HADHB: variants seen among roughly 807,000 people sequenced by gnomAD.
HADHB encodes hydroxyacyl-CoA dehydrogenase trifunctional multienzyme complex subunit beta, also known as trifunctional enzyme subunit beta, mitochondrial.
In HADHB, 50 loss-of-function variants were observed where a neutral mutation model predicts 61.9. The ratio of observed to expected loss-of-function variants is 0.81; its 90% CI spans 0.64 to 1.02. The LOEUF is 1.02. HADHB is among the 50% of genes least tolerant of loss of function. HADHB has a pLI of 0.00. For missense variants in HADHB, 504 were observed against 586.5 expected (o/e 0.86, Z 1.45); for synonymous variants, 191 against 201.6 (o/e 0.95, Z 0.45).
chr2:26,275,653 T>G (rs1672509836), intron 6 of HADHB, among the ~76,000 whole-genome samples: 5 of 152,154 alleles, frequency 3.3e-5, no homozygotes, highest in Admixed American at 2.0e-4. Flanking sequence ...TCCTTTCGGA[T>G]TGGTTTACGT....
chr2:26,282,881 GA>G lies in HADHB; in HGVS notation c.974del (p.Lys325ArgfsTer13). On this transcript the variant is annotated frameshift_variant, in exon 11 of 16. Coordinates refer to ENST00000317799, the MANE Select transcript of HADHB (RefSeq NM_000183.3). LOFTEE classifies it high-confidence loss of function. Reference protein sequence around the residue: ...GASAMLIMAEEKALAMGYKPK... With the variant: ...GASAMLIMAEXKALAMGYKPK... ...ATCTGCAATGTTAATCATGGCGGAG[GA>G]AAAGGCTCTGGCCATGGGTTATAAG... 1.9e-6 allele frequency: 3 copies of G among 1,613,330 alleles called. No individual in the cohort carries two copies. Among genetic ancestry groups the G allele is most frequent in the Non-Finnish European group, 2.5e-6 (3 of 1,179,396 alleles).
At chr2:26,249,429 T>C (rs1367595805) in intron 1 of HADHB, among the ~76,000 whole-genome samples, 1 of 151,984 alleles carries the variant, frequency 6.6e-6, no homozygotes, top group Non-Finnish European at 1.5e-5. Flanking sequence ...GAGAATTGCT[T>C]GAACCCAGGA....
chr2:26,271,050 TTTTTTC>T (rs990368075), intron 5 of HADHB, among the ~76,000 whole-genome samples: 2 of 142,416 alleles, frequency 1.4e-5, no homozygotes, highest in Non-Finnish European at 3.1e-5. Flanking sequence ...GGCTAATTTT[TTTTTTC>T]TTTTTTTTTT....
chr2:26,267,527 A>T lies in HADHB; in HGVS notation c.210-2426A>T, dbSNP rs72851505. On this transcript the variant is annotated intron_variant, in intron 4 of 15. Coordinates refer to ENST00000317799, the MANE Select transcript of HADHB (RefSeq NM_000183.3). ...TAAATAAGTGAATAAATAAATACACATTGGGAGGCCAAGGTGAATGGATCG... is the reference window on the plus strand; with the variant it reads ...TAAATAAGTGAATAAATAAATACACTTTGGGAGGCCAAGGTGAATGGATCG... Among the ~76,000 whole-genome samples, 952 of 152,262 alleles carry T rather than the reference A, an allele frequency of 6.3e-3. 8 individuals are homozygous for T. Among genetic ancestry groups the T allele is most frequent in the African/African-American group, 0.021 (890 of 41,562 alleles).
Position 26,284,958 on chromosome 2 carries a change from GTGAGTTTCTAATTTTAAAAAA to G in HADHB, c.1224+4_1224+24del. The G allele has an allele frequency of 6.6e-7, 1 of 1,504,068 alleles. No homozygotes were observed. The highest frequency in any genetic ancestry group is 9.3e-7 in the Non-Finnish European group (1 of 1,079,746). The allele number at this position is 1,504,068 out of a possible 1,614,324, so 93.2% of individuals were successfully genotyped here. On this transcript the variant is annotated splice_donor_variant and splice_donor_5th_base_variant and intron_variant, in intron 14 of 15. Transcript: ENST00000317799. LOFTEE classifies it high-confidence loss of function. ...AAACTACATGGGTAGAAAAACCAAG[GTGAGTTTCTAATTTTAAAAAA>G]TGCGTGAATTTTCAAAGCACGTTAA...
chr2:26,270,688 A>G (rs995055490), intron 5 of HADHB, among the ~76,000 whole-genome samples: 1 of 152,122 alleles, frequency 6.6e-6, no homozygotes, highest in African/African-American at 2.4e-5. Flanking sequence ...TACAGAAACC[A>G]TACTTTAGAA....
intron 15 of HADHB, among the ~76,000 whole-genome samples, chr2:26,286,338 G>A (rs1270592989): frequency 6.6e-6 from 1 of 152,014 alleles, no homozygotes; most frequent in Non-Finnish European, 1.5e-5. Flanking sequence ...TACCTTAACT[G>A]GGGAGTTAAT....
intron 10 of HADHB, among the ~76,000 whole-genome samples, chr2:26,282,244 G>A (rs1482599871): frequency 7.0e-6 from 1 of 143,796 alleles, no homozygotes; most frequent in Non-Finnish European, 1.5e-5. Context: ...ATTATGAGCA[G>A]TTCTTTCTTT....
intron 3 of HADHB, among the ~76,000 whole-genome samples, chr2:26,255,271 A>G (rs1671559895): frequency 6.6e-6 from 1 of 152,180 alleles, no homozygotes. Context: ...AGGCTGAGGC[A>G]GGTGGATGGC....
At chr2:26,254,628 A>G (rs1671535940) in intron 3 of HADHB, 154 bp downstream of exon 3, 7 of 627,850 alleles carry the variant, frequency 1.1e-5, no homozygotes, top group Admixed American at 2.7e-5. Context: ...TTAAAAAATT[A>G]TAGGTCCAAT....
intron 4 of HADHB, among the ~76,000 whole-genome samples, chr2:26,267,983 A>G (rs1672168036): frequency 6.6e-6 from 1 of 151,992 alleles, no homozygotes; most frequent in Admixed American, 6.6e-5. Flanking sequence ...CAAAAACTAA[A>G]AATGAAAAAT....
At position 26,273,729 on chromosome 2, in the gene HADHB, A is replaced by G; in HGVS notation, c.333A>G (p.Lys111=). Residue 111 remains lysine (K), a synonymous_variant, in exon 6 of 16, where the codon AAA becomes AAG. Coordinates refer to ENST00000317799, the MANE Select transcript of HADHB (RefSeq NM_000183.3). ...TTGGTACAGTTATTCAGGAAGTGAA[A>G]ACAAGCAATGTGGCTAGAGAGGTGA... ...IIFGTVIQEV[K]TSNVAREAAL... is the part of the protein sequence containing the mutation. 2 of 1,593,926 alleles carry G rather than the reference A, an allele frequency of 1.3e-6. No individual in the cohort carries two copies. Among genetic ancestry groups the G allele is most frequent in the South Asian group, 1.1e-5 (1 of 90,688 alleles).
intron 3 of HADHB, among the ~76,000 whole-genome samples, chr2:26,260,080 G>GT (rs1671797474): frequency 2.8e-5 from 4 of 142,570 alleles, no homozygotes; most frequent in East Asian, 2.0e-4. Context: ...AGTTTTTTCT[G>GT]GTTTTTTTTT....
At chr2:26,287,640 A>G (rs1015427637) in intron 15 of HADHB, among the ~76,000 whole-genome samples, 9 of 152,354 alleles carry the variant, frequency 5.9e-5, no homozygotes, top group Non-Finnish European at 1.3e-4. Flanking sequence ...GCATCTGAGA[A>G]ACTAGATTAA....
intron 6 of HADHB, 85 bp downstream of exon 6, chr2:26,273,835 C>G (rs1454376965): frequency 5.2e-6 from 4 of 768,366 alleles, no homozygotes; most frequent in Non-Finnish European, 9.3e-6. Flanking sequence ...TTTACAAAAG[C>G]CTTTAAAATC....
chr2:26,254,189 A>G (rs939494683), intron 1 of HADHB, 58 bp from the exon 2 acceptor site: 8 of 835,572 alleles, frequency 9.6e-6, no homozygotes, highest in East Asian at 2.4e-5. Flanking sequence ...ATAGACTACA[A>G]TGTAAACTAC....
chr2:26,268,305 T>C (rs1186882937), intron 4 of HADHB, among the ~76,000 whole-genome samples: 1 of 152,224 alleles, frequency 6.6e-6, no homozygotes, highest in Non-Finnish European at 1.5e-5. Flanking sequence ...TATCAATTAC[T>C]ATGATGATTT....
chr2:26,249,072 A>G (rs904717884), intron 1 of HADHB, among the ~76,000 whole-genome samples: 1 of 152,078 alleles, frequency 6.6e-6, no homozygotes, highest in Middle Eastern at 3.4e-3. Flanking sequence ...AAAAAAAGAA[A>G]ATCACAACTT....
intron 1 of HADHB, among the ~76,000 whole-genome samples, chr2:26,245,594 G>A (rs899986462): frequency 6.6e-6 from 1 of 152,072 alleles, no homozygotes; most frequent in Non-Finnish European, 1.5e-5. Flanking sequence ...AAGCGGTGAA[G>A]AAACTGCCTA....
Sources: gnomAD v4.1 joint callset for allele counts (sites outside exome capture counted in the v4.1 genomes callset) on GRCh38, gnomAD v4.1.1 for gene constraint, MANE v1.5 for transcripts, NCBI Gene and HGNC (gene_info 2026-07-23, HGNC 2026-07-21) for gene names.